Variants in SETD3 observed in about 807,000 individuals in gnomAD.
SETD3 encodes SET domain containing 3, actin N3(tau)-histidine methyltransferase.
A neutral mutation model predicts 63.0 loss-of-function variants in SETD3; 19 were observed. That is an observed-to-expected ratio of 0.30 (90% CI 0.21 to 0.44). The LOEUF (loss-of-function observed/expected upper bound fraction) is 0.44, where lower values mean the gene tolerates loss of function less well. Among genes scored for constraint, SETD3 ranks in the 20% least tolerant of loss-of-function variants. The pLI, the probability that SETD3 is intolerant of heterozygous loss-of-function variation, is 1.00. For missense variants in SETD3, 587 were observed against 728.5 expected (o/e 0.81, Z 2.24); for synonymous variants, 286 against 264.1 (o/e 1.08, Z -0.80).
Position 99,480,817 on chromosome 14 carries a change from T to A in SETD3, c.-98A>T, listed in dbSNP as rs1318391885. 1 of 161,394 alleles carries A rather than the reference T, an allele frequency of 6.2e-6. No individual in the cohort carries two copies. The highest frequency in any genetic ancestry group is 2.4e-5 in the African/African-American group (1 of 41,238). 10.0% of individuals were successfully genotyped at this position (161,394 alleles called of 1,614,324 possible). A position where few individuals can be genotyped will look rare whatever the true frequency, so the allele number is the denominator to read the frequency against. ...ACCAACCCCCAGGCGGTGGCGGCGGTGGCGGCGGCGGCGGCCGGACGGGAG... is the reference window on the plus strand; with the variant it reads ...ACCAACCCCCAGGCGGTGGCGGCGGAGGCGGCGGCGGCGGCCGGACGGGAG... On this transcript the variant is annotated 5_prime_UTR_variant, in exon 1 of 13. Transcript: ENST00000331768.
chr14:99,479,231 G>A (rs1006237961), intron 1 of SETD3, among the ~76,000 whole-genome samples: 8 of 152,348 alleles, frequency 5.3e-5, no homozygotes, highest in African/African-American at 1.7e-4. Flanking sequence ...AAAATCCAAG[G>A]TTGTCTGGGG....
intron 6 of SETD3, among the ~76,000 whole-genome samples, chr14:99,451,726 C>CT (rs1482822257): frequency 6.6e-6 from 1 of 152,032 alleles, no homozygotes; most frequent in Non-Finnish European, 1.5e-5. Context: ...AGACTGGTCT[C>CT]TAACTCCTGA....
chr14:99,444,992 G>A lies in SETD3; in HGVS notation c.675+13287C>T, dbSNP rs556034835. 2.7e-4 allele frequency among the ~76,000 whole-genome samples: 41 copies of A among 152,316 alleles called. No homozygotes were observed. The South Asian group carries it at 8.5e-3, about 32-fold the overall frequency. ...TGGTAAAAGATATGGTCCACCTGGA[G>A]TGGACTGCAAGCTCGTAAGGACTCA... On this transcript the variant is annotated intron_variant, in intron 6 of 12. Coordinates refer to ENST00000331768, the MANE Select transcript of SETD3 (RefSeq NM_032233.3).
chr14:99,465,141 G>A (rs1350979475), intron 2 of SETD3, among the ~76,000 whole-genome samples: 6 of 151,584 alleles, frequency 4.0e-5, no homozygotes, highest in African/African-American at 1.5e-4. Flanking sequence ...GTTTAAAAAA[G>A]AAAAAAAATC....
intron 6 of SETD3, among the ~76,000 whole-genome samples, chr14:99,432,238 G>T (rs1044324623): frequency 2.6e-5 from 4 of 152,136 alleles, no homozygotes; most frequent in Admixed American, 6.5e-5. Context: ...TGAGTGCAAA[G>T]AACCCGTAAG....
chr14:99,446,073 A>G (rs1354343771), intron 6 of SETD3, among the ~76,000 whole-genome samples: 2 of 152,200 alleles, frequency 1.3e-5, no homozygotes, highest in African/African-American at 4.8e-5. Context: ...AGGGTCAGAC[A>G]GGTCTCAGCT....
chr14:99,461,085 G>T (rs887874405), intron 4 of SETD3, 107 bp downstream of exon 4: 8 of 1,360,592 alleles, frequency 5.9e-6, no homozygotes, highest in African/African-American at 5.8e-5. Context: ...CACAGGCTCA[G>T]AACTAGAACT....
chr14:99,410,628 T>A (rs982031997), intron 8 of SETD3, among the ~76,000 whole-genome samples: 1 of 152,208 alleles, frequency 6.6e-6, no homozygotes. Flanking sequence ...TATAAAGATG[T>A]GTTGTTTCTT....
chr14:99,405,093 G>T, intron 10 of SETD3, 112 bp downstream of exon 10: 1 of 1,427,458 alleles, frequency 7.0e-7, no homozygotes, highest in Non-Finnish European at 9.4e-7. Context: ...GGGATAAACG[G>T]ATTAAGACAA....
chr14:99,460,724 G>A (rs1405121154), intron 4 of SETD3, among the ~76,000 whole-genome samples: 2 of 152,282 alleles, frequency 1.3e-5, no homozygotes, highest in East Asian at 1.9e-4. Flanking sequence ...TTAGTAGGTG[G>A]CTGTTTCTCT....
intron 7 of SETD3, 54 bp from the exon 8 acceptor site, chr14:99,413,119 G>A: frequency 9.4e-7 from 1 of 1,059,314 alleles, no homozygotes; most frequent in Non-Finnish European, 1.4e-6. Context: ...GCCAATTGCA[G>A]TAAGAAATAA....
At chr14:99,434,162 C>T (rs1458283798) in intron 6 of SETD3, among the ~76,000 whole-genome samples, 1 of 136,150 alleles carries the variant, frequency 7.3e-6, no homozygotes, top group Non-Finnish European at 1.5e-5. Flanking sequence ...CCCAAATGTC[C>T]ATCGACAGAA....
At position 99,399,741 on chromosome 14, in the gene SETD3, A is replaced by AATTT. The variant is rs1566869064; in HGVS notation, c.1338+357_1338+358insAAAT. Among the ~76,000 whole-genome samples the AATTT allele has an allele frequency of 5.5e-5, 7 of 127,728 alleles. 2 individuals carry two copies. Among genetic ancestry groups the AATTT allele is most frequent in the South Asian group, 2.4e-4 (1 of 4,106 alleles). 83.8% of individuals were successfully genotyped at this position (127,728 alleles called of 152,430 possible). The stretch of plus-strand genomic sequence containing the variant: ...GAATTAACAAGAAATCTTTCATTAA[A>AATTT]TTTTTTTTTTTTTTTTTTTTTTTTT... On this transcript the variant is annotated intron_variant, in intron 12 of 12. Coordinates refer to ENST00000331768, the MANE Select transcript of SETD3 (RefSeq NM_032233.3).
At chr14:99,429,730 G>A (rs1893070890) in intron 6 of SETD3, among the ~76,000 whole-genome samples, 2 of 152,214 alleles carry the variant, frequency 1.3e-5, no homozygotes, top group South Asian at 4.1e-4. Flanking sequence ...ACGTGAGGAA[G>A]AGGTGCCTCA....
chr14:99,427,305 G>A (rs1892934908), intron 6 of SETD3, among the ~76,000 whole-genome samples: 1 of 152,078 alleles, frequency 6.6e-6, no homozygotes, highest in South Asian at 2.1e-4. Flanking sequence ...CCCATCATAA[G>A]GATAACCAAA....
chr14:99,482,833 C>T (rs1413612349), upstream of SETD3, among the ~76,000 whole-genome samples: 3 of 149,078 alleles, frequency 2.0e-5, no homozygotes, highest in Non-Finnish European at 4.5e-5. Flanking sequence ...TAGTTCATTT[C>T]AGGACATTAT....
chr14:99,448,432 C>T (rs951637753), intron 6 of SETD3, among the ~76,000 whole-genome samples: 1 of 152,246 alleles, frequency 6.6e-6, no homozygotes, highest in Non-Finnish European at 1.5e-5. Flanking sequence ...AGAGCCGCTC[C>T]GACAGAACAG....
chr14:99,403,256 G>T (rs886962843), intron 11 of SETD3, among the ~76,000 whole-genome samples: 1 of 152,090 alleles, frequency 6.6e-6, no homozygotes, highest in Non-Finnish European at 1.5e-5. Context: ...AGTGACCGCC[G>T]AGCACAGCAG....
chr14:99,410,149 G>A lies in SETD3; in HGVS notation c.849+2802C>T, dbSNP rs113768139. 1.6e-3 allele frequency: 2,568 copies of A among 1,581,978 alleles called. 36 individuals carry two copies. In the African/African-American group the frequency reaches 0.028, roughly 17 times the overall value. ...TGGAGGAGGTCTATGAGTGAGTCCC[G>A]TAAGTGCCTAAGGAATGGAGGGTCT... On this transcript the variant is annotated intron_variant, in intron 8 of 12. Coordinates refer to ENST00000331768, the MANE Select transcript of SETD3 (RefSeq NM_032233.3).
Sources: gnomAD v4.1 joint callset for allele counts (sites outside exome capture counted in the v4.1 genomes callset) on GRCh38, gnomAD v4.1.1 for gene constraint, MANE v1.5 for transcripts, NCBI Gene and HGNC (gene_info 2026-07-23, HGNC 2026-07-21) for gene names.